The following RREB1 variants were observed in gnomAD, a reference collection of about 807,000 sequenced individuals.
RREB1 encodes ras-responsive element-binding protein 1.
RREB1 carries 27 observed loss-of-function variants against 117.8 expected under a neutral mutation model. The observed-to-expected ratio is 0.23, with a 90% CI of 0.17 to 0.32. The LOEUF is 0.32. Among genes scored for constraint, RREB1 ranks in the 10% least tolerant of loss-of-function variants. The probability of loss-of-function intolerance (pLI) is 1.00; values close to 1 mark genes in which losing one functional copy is unlikely to be tolerated. For missense variants in RREB1, 2,577 were observed against 2,378.2 expected, an observed-to-expected ratio of 1.08 and a Z score of -1.74; for synonymous variants, 1,298 against 1,026.7, an observed-to-expected ratio of 1.26 and a Z score of -5.05.
At chr6:7,167,083 G>A (rs1482718542) in intron 1 of RREB1, among the ~76,000 whole-genome samples, 1 of 152,200 alleles carries the variant, frequency 6.6e-6, no homozygotes, top group East Asian at 1.9e-4. Context: ...GCTGCAGTTA[G>A]TTGGGAGAGA....
At chr6:7,159,864 G>A (rs937030883) in intron 1 of RREB1, among the ~76,000 whole-genome samples, 4 of 152,164 alleles carry the variant, frequency 2.6e-5, no homozygotes, top group African/African-American at 9.7e-5. Flanking sequence ...TTTTCCTAAA[G>A]CTGAATACTG....
At chr6:7,218,767 T>C (rs1767056241) in intron 8 of RREB1, 1 of 146,524 alleles carries the variant, frequency 6.8e-6, no homozygotes, top group Non-Finnish European at 1.5e-5. Context: ...CATAACAACA[T>C]ATTTACATAT....
chr6:7,191,863 T>C (rs770930091), intron 6 of RREB1, among the ~76,000 whole-genome samples: 17 of 152,198 alleles, frequency 1.1e-4, no homozygotes, highest in Non-Finnish European at 1.8e-4. Context: ...TCCTATATCA[T>C]GTCTGTTATT....
intron 1 of RREB1, among the ~76,000 whole-genome samples, chr6:7,109,028 G>A (rs996575072): frequency 5.1e-4 from 78 of 151,846 alleles, no homozygotes; most frequent in African/African-American, 1.7e-3. Flanking sequence ...CGCGGGCGGG[G>A]GGGGTGGGGG....
intron 1 of RREB1, among the ~76,000 whole-genome samples, chr6:7,158,088 C>T (rs1763470162): frequency 6.6e-6 from 1 of 152,150 alleles, no homozygotes; most frequent in Admixed American, 6.5e-5. Context: ...GGACCAAGAC[C>T]TTCTGGATCC....
At chr6:7,238,720 T>C (rs1768499319) in intron 10 of RREB1, among the ~76,000 whole-genome samples, 1 of 152,208 alleles carries the variant, frequency 6.6e-6, no homozygotes, top group South Asian at 2.1e-4. Context: ...CTTGTGGAGC[T>C]ACTCAGAAGC....
chr6:7,110,451 C>T (rs1761083313), intron 1 of RREB1, among the ~76,000 whole-genome samples: 1 of 151,478 alleles, frequency 6.6e-6, no homozygotes, highest in Non-Finnish European at 1.5e-5. Flanking sequence ...GTAATTTATA[C>T]AAAGACAGAA....
intron 1 of RREB1, among the ~76,000 whole-genome samples, chr6:7,114,818 A>C (rs1043027578): frequency 6.6e-6 from 1 of 152,194 alleles, no homozygotes; most frequent in African/African-American, 2.4e-5. Flanking sequence ...CCCCGTAGTA[A>C]ATGAAAATTC....
At chr6:7,236,864 AT>A (rs370632373) in intron 10 of RREB1, among the ~76,000 whole-genome samples, 1 of 90,800 alleles carries the variant, frequency 1.1e-5, no homozygotes, top group Non-Finnish European at 2.3e-5. Flanking sequence ...ACACTGGCTA[AT>A]TTTTTTTGTT....
At chr6:7,240,305 TTTG>T (rs1281622360) in intron 10 of RREB1, 130 bp from the exon 11 acceptor site, 2 of 549,932 alleles carry the variant, frequency 3.6e-6, no homozygotes, top group Admixed American at 6.8e-5. Context: ...TCTAATGTGT[TTTG>T]TTAATTTTCT....
intron 11 of RREB1, among the ~76,000 whole-genome samples, 180 bp from the exon 12 acceptor site, chr6:7,246,244 A>G (rs1769009091): frequency 6.6e-6 from 1 of 152,138 alleles, no homozygotes. Context: ...TCACGTCCCC[A>G]GGGTCATCTT....
In RREB1 at chr6:7,240,478, T is replaced by C. The variant is rs780555646; in HGVS notation, c.3849T>C (p.Phe1283=). The C allele has an allele frequency of 1.9e-6, 3 of 1,614,010 alleles. No homozygotes were observed. In the African/African-American group the frequency reaches 4.0e-5, roughly 22 times the overall value. ...PFPCQKCDAF[F]STKSNCERHQ... ...CTTGTCAAAAATGCGATGCCTTCTT[T>C]TCTACCAAATCTAACTGTGAACGCC... Residue 1283 remains phenylalanine, a synonymous_variant, in exon 11 of 13, where the codon TTT becomes TTC. Transcript: ENST00000379938.
rs147994444 is a variant in RREB1 at position 7,247,604 on chromosome 6, T to C, written c.4771+383T>C. Among the ~76,000 whole-genome samples the C allele has an allele frequency of 2.8e-4, 42 of 152,316 alleles. 1 individual carries two copies. The East Asian group carries it at 7.3e-3, about 27-fold the overall frequency. ...CTTAGTCCTGTCTAGTCCTGTGGCC[T>C]GGACGACAGGCACTGCCCCAGGCCG... On this transcript the variant is annotated intron_variant, in intron 12 of 12. Coordinates refer to ENST00000379938, the MANE Select transcript of RREB1 (RefSeq NM_001003699.4).
At position 7,230,580 on chromosome 6, in the gene RREB1, C is replaced by A. The variant is rs773711706; in HGVS notation, c.2481C>A (p.Ala827=). The part of the protein sequence containing the change: ...PEQDIESYVL[A]ADGLGPAEAP... ...AGGACATCGAGAGCTACGTGCTGGC[C>A]GCCGACGGCCTGGGCCCCGCAGAGG... Residue 827 remains alanine (A), a synonymous_variant, in exon 10 of 13, where the codon GCC becomes GCA. Transcript: ENST00000379938. The A allele has an allele frequency of 1.2e-6, 2 of 1,602,112 alleles. No homozygotes were observed. Among genetic ancestry groups the A allele is most frequent in the Admixed American group, 1.7e-5 (1 of 58,848 alleles).
intron 1 of RREB1, among the ~76,000 whole-genome samples, chr6:7,175,744 C>T (rs1764467826): frequency 6.6e-6 from 1 of 152,184 alleles, no homozygotes; most frequent in Non-Finnish European, 1.5e-5. Context: ...AGCAGACTTG[C>T]TCAAACTTTT....
In RREB1 at chr6:7,115,726, A is replaced by C. The variant is rs140968525; in HGVS notation, c.-285+7666A>C. Among the ~76,000 whole-genome samples, 264 of 152,052 alleles carry C rather than the reference A, an allele frequency of 1.7e-3. 1 individual carries two copies. The highest frequency in any genetic ancestry group is 6.0e-3 in the African/African-American group (249 of 41,444). On this transcript the variant is annotated intron_variant, in intron 1 of 12. Coordinates refer to ENST00000379938, the MANE Select transcript of RREB1 (RefSeq NM_001003699.4). Reference sequence around the variant, plus strand: ...CTATAAACTGCCAACTCCCAACTCTATATCTCCATTTACAACTTCTCCCAA... The same window carrying C: ...CTATAAACTGCCAACTCCCAACTCTCTATCTCCATTTACAACTTCTCCCAA...
At chr6:7,214,877 CAT>C (rs1340665017) in intron 8 of RREB1, 2 of 152,252 alleles carry the variant, frequency 1.3e-5, no homozygotes, top group East Asian at 3.8e-4. Context: ...AATCCAAACT[CAT>C]ATAAATCTCA....
intron 1 of RREB1, among the ~76,000 whole-genome samples, chr6:7,142,171 C>T (rs1431240200): frequency 3.3e-5 from 5 of 151,622 alleles, no homozygotes; most frequent in Non-Finnish European, 7.4e-5. Context: ...GCCGAGATCG[C>T]GCCACCGCAC....
chr6:7,110,377 A>C (rs1049033888), intron 1 of RREB1, among the ~76,000 whole-genome samples: 2 of 152,174 alleles, frequency 1.3e-5, no homozygotes, highest in African/African-American at 4.8e-5. Context: ...ACAAACGTTG[A>C]GTTTTGTGCT....
Sources: allele counts gnomAD v4.1 joint callset (sites outside exome capture counted in the v4.1 genomes callset), GRCh38; gene constraint gnomAD v4.1.1; transcripts MANE v1.5; gene names NCBI Gene and HGNC (gene_info 2026-07-23, HGNC 2026-07-21).